POMGNT2: variants seen among roughly 807,000 people sequenced by gnomAD.
The protein encoded by POMGNT2 is protein O-linked mannose N-acetylglucosaminyltransferase 2 (beta 1,4-).
A neutral mutation model predicts 37.8 loss-of-function variants in POMGNT2; 32 were observed. The ratio of observed to expected loss-of-function variants is 0.85; its 90% CI spans 0.64 to 1.14. The LOEUF (loss-of-function observed/expected upper bound fraction) is 1.14. Ranked by LOEUF, POMGNT2 falls within the 50% of genes most tolerant of loss-of-function variation. The pLI, the probability that POMGNT2 is intolerant of heterozygous loss-of-function variation, is 0.00. For synonymous variants in POMGNT2, 340 were observed against 336.8 expected, an observed-to-expected ratio of 1.01 and a Z score of -0.10; for missense variants, 705 against 780.6, an observed-to-expected ratio of 0.90 and a Z score of 1.15.
intron 1 of POMGNT2, among the ~76,000 whole-genome samples, chr3:43,097,501 A>AGG (rs2089988403): frequency 6.6e-6 from 1 of 151,640 alleles, no homozygotes; most frequent in Admixed American, 6.6e-5. Flanking sequence ...CAGGTGAGCA[A>AGG]GGGGGAAAGG....
intron 1 of POMGNT2, among the ~76,000 whole-genome samples, chr3:43,095,320 C>G (rs1041377910): frequency 6.6e-6 from 1 of 152,168 alleles, no homozygotes; most frequent in South Asian, 2.1e-4. Flanking sequence ...TTAGGATGTG[C>G]GGGTGGGCAT....
At chr3:43,096,768 GAA>G (rs1483463169) in intron 1 of POMGNT2, among the ~76,000 whole-genome samples, 1 of 152,012 alleles carries the variant, frequency 6.6e-6, no homozygotes, top group East Asian at 1.9e-4. Flanking sequence ...TTTTTCAAAA[GAA>G]AGAGAAAAAA....
intron 1 of POMGNT2, among the ~76,000 whole-genome samples, chr3:43,082,964 G>T (rs2089868274): frequency 6.6e-6 from 1 of 152,160 alleles, no homozygotes; most frequent in Non-Finnish European, 1.5e-5. Context: ...GCCATGTGTA[G>T]CCTTCCTCCC....
chr3:43,097,845 G>A (rs1283365907), intron 1 of POMGNT2, among the ~76,000 whole-genome samples: 1 of 152,226 alleles, frequency 6.6e-6, no homozygotes, highest in Admixed American at 6.5e-5. Context: ...AAGGCCTGGG[G>A]CTGCTGGCCT....
At chr3:43,081,918 C>T (rs1015218597) in intron 1 of POMGNT2, among the ~76,000 whole-genome samples, 4 of 152,218 alleles carry the variant, frequency 2.6e-5, no homozygotes, top group Non-Finnish European at 5.9e-5. Flanking sequence ...CCAAGAGGAG[C>T]GAGATACGCA....
At chr3:43,093,836 T>G (rs1180018709) in intron 1 of POMGNT2, among the ~76,000 whole-genome samples, 2 of 152,176 alleles carry the variant, frequency 1.3e-5, no homozygotes, top group Non-Finnish European at 2.9e-5. Flanking sequence ...CCATTCATGT[T>G]TACAAGTCTA....
At chr3:43,103,444 C>A (rs541731116) in intron 1 of POMGNT2, among the ~76,000 whole-genome samples, 1 of 152,014 alleles carries the variant, frequency 6.6e-6, no homozygotes, top group East Asian at 1.9e-4. Flanking sequence ...CCAGCACTGC[C>A]CCCTCACCCA....
Position 43,098,762 on chromosome 3 carries a change from C to G in POMGNT2, c.-106+7074G>C, listed in dbSNP as rs116386535. Among the ~76,000 whole-genome samples, 646 of 152,320 alleles carry G rather than the reference C, an allele frequency of 4.2e-3. 2 individuals are homozygous for G. Among genetic ancestry groups the G allele is most frequent in the African/African-American group, 0.014 (584 of 41,554 alleles). On this transcript the variant is annotated intron_variant, in intron 1 of 1. Transcript: ENST00000344697. This position sits in a 1 kb window ranked among gnomAD's most constrained non-coding sequence, Gnocchi z 4.3. ...AAGCAGGAAAAACTCCAACAGAATTCAAGTCTGTACTACTTTGGTGAGAAG... is the reference window on the plus strand; with the variant it reads ...AAGCAGGAAAAACTCCAACAGAATTGAAGTCTGTACTACTTTGGTGAGAAG...
chr3:43,091,172 C>T (rs567718169), intron 1 of POMGNT2, among the ~76,000 whole-genome samples: 1 of 152,106 alleles, frequency 6.6e-6, no homozygotes, highest in Admixed American at 6.5e-5. Context: ...CAAAAAGGAA[C>T]CAGAGCTCCT....
In POMGNT2 at chr3:43,079,867, T is replaced by C; in HGVS notation, c.1565A>G (p.Tyr522Cys). The C allele has an allele frequency of 6.2e-7, 1 of 1,614,178 alleles. No individual in the cohort carries two copies. The highest frequency in any genetic ancestry group is 8.5e-7 in the Non-Finnish European group (1 of 1,180,014). Reference protein sequence around the residue: ...LKYLKVREVKYEVWLQEQGEN... With the variant: ...LKYLKVREVKCEVWLQEQGEN... ...CCCCTGCTCCTGCAGCCACACCTCG[T>C]ACTTCACCTCCCTCACCTTCAGGTA... is the stretch of plus-strand genomic sequence containing the variant. Residue 522 changes from tyrosine (Y) to cysteine (C), a missense_variant, in exon 2 of 2, where the codon TAC becomes TGC. Physicochemically the swap from Tyr to Cys is radical, Grantham distance 194. Transcript: ENST00000344697.
intron 1 of POMGNT2, among the ~76,000 whole-genome samples, chr3:43,082,145 C>T (rs1292165642): frequency 6.6e-6 from 1 of 152,210 alleles, no homozygotes; most frequent in Non-Finnish European, 1.5e-5. Flanking sequence ...AAAGAGAGGC[C>T]ATAGGAAAGA....
intron 1 of POMGNT2, among the ~76,000 whole-genome samples, chr3:43,100,660 T>C (rs1396670217): frequency 6.6e-6 from 1 of 152,214 alleles, no homozygotes; most frequent in Non-Finnish European, 1.5e-5. Flanking sequence ...TATTAACATA[T>C]GGTTTCTATT....
Position 43,081,100 on chromosome 3 carries a change from C to T in POMGNT2, c.332G>A (p.Arg111His), listed in dbSNP as rs778907895. 22 of 1,614,046 alleles carry T rather than the reference C, an allele frequency of 1.4e-5. No homozygotes were observed. Among genetic ancestry groups the T allele is most frequent in the Non-Finnish European group, 1.7e-5 (20 of 1,180,040 alleles). Reference protein sequence around the residue: ...SVMLPNLGSRRFQPALLDLST... With the variant: ...SVMLPNLGSRHFQPALLDLST... ...TAGGTCGAGCAGGGCTGGCTGGAAG[C>T]GCCGGGAGCCCAGGTTGGGCAGCAT... The change falls in exon 2 of 2, where the codon CGC becomes CAC. Residue 111 changes from arginine to histidine, a missense_variant. Arg to His is a conservative substitution (Grantham distance 29). Coordinates refer to ENST00000344697, the MANE Select transcript of POMGNT2 (RefSeq NM_032806.6).
chr3:43,103,487 G>A (rs1357433710), intron 1 of POMGNT2, among the ~76,000 whole-genome samples: 2 of 152,272 alleles, frequency 1.3e-5, no homozygotes, highest in East Asian at 3.9e-4. Flanking sequence ...CCCTAAAGAG[G>A]CGACAGGGCT....
In POMGNT2 at chr3:43,080,078, C is replaced by T. The variant is rs145978066; in HGVS notation, c.1354G>A (p.Val452Met). ...WLFRIYQDTK[V>M]DIPSLIQTIR... ...GTTTGAATGAGGGACGGGATGTCCA[C>T]CTTGGTGTCCTGGTAGATTCGGAAG... The change falls in exon 2 of 2, where the codon GTG becomes ATG. Residue 452 changes from valine (V) to methionine (M), a missense_variant. Physicochemically the swap from Val to Met is conservative, Grantham distance 21 (BLOSUM62 1). Transcript: ENST00000344697. The T allele has an allele frequency of 2.5e-6, 4 of 1,613,828 alleles. No homozygotes were observed. The highest frequency in any genetic ancestry group is 3.4e-6 in the Non-Finnish European group (4 of 1,179,964).
At chr3:43,082,770 G>A (rs1197537598) in intron 1 of POMGNT2, among the ~76,000 whole-genome samples, 4 of 152,194 alleles carry the variant, frequency 2.6e-5, no homozygotes. Flanking sequence ...GAATCCAAGT[G>A]CATCTTGCCT....
At chr3:43,083,943 TCGAAATGTCTGA>T (rs1490719332) in intron 1 of POMGNT2, among the ~76,000 whole-genome samples, 1 of 152,246 alleles carries the variant, frequency 6.6e-6, no homozygotes, top group Non-Finnish European at 1.5e-5. Context: ...TTCCTTCATG[TCGAAATGTCTGA>T]TTTTAGCTTC....
In POMGNT2 at chr3:43,081,310, T is replaced by C. The variant is rs775109394; in HGVS notation, c.122A>G (p.Gln41Arg). 5 of 1,612,252 alleles carry C rather than the reference T, an allele frequency of 3.1e-6. No individual in the cohort carries two copies. In the East Asian group the frequency reaches 8.9e-5, roughly 29 times the overall value. ...TLEEELALSR[Q>R]ATEPAPALRI... The stretch of plus-strand genomic sequence containing the variant: ...CAGTGCTGGGGCTGGCTCTGTGGCC[T>C]GTCGGCTGAGGGCCAGCTCCTCCTC... Residue 41 changes from glutamine to arginine, a missense_variant, in exon 2 of 2, where the codon CAG (glutamine) becomes CGG (arginine). Transcript: ENST00000344697.
At chr3:43,096,066 G>C (rs1411064832) in intron 1 of POMGNT2, among the ~76,000 whole-genome samples, 16 of 152,146 alleles carry the variant, frequency 1.1e-4, no homozygotes, top group Non-Finnish European at 8.8e-5. Flanking sequence ...GATTCAAAGG[G>C]GACCCAACAA....
Sources: gnomAD v4.1 joint callset for allele counts (sites outside exome capture counted in the v4.1 genomes callset) on GRCh38, gnomAD v4.1.1 for gene constraint, Gnocchi (gnomAD v3.1) non-coding constraint, MANE v1.5 for transcripts, NCBI Gene and HGNC (gene_info 2026-07-23, HGNC 2026-07-21) for gene names.